The following VSTM4 variants were observed in gnomAD, a reference collection of about 807,000 sequenced individuals.
VSTM4 encodes the protein V-set and transmembrane domain containing 4.
VSTM4 carries 20 observed loss-of-function variants against 36.4 expected under a neutral mutation model. The observed-to-expected ratio is 0.55, with a 90% CI of 0.39 to 0.80. The LOEUF is 0.80. Among genes scored for constraint, VSTM4 ranks in the 30% least tolerant of loss-of-function variants. The pLI, the probability that VSTM4 is intolerant of heterozygous loss-of-function variation, is 0.00. For synonymous variants in VSTM4, 182 were observed against 173.9 expected (o/e 1.05, Z -0.37); for missense variants, 392 against 404.5 (o/e 0.97, Z 0.26).
intron 4 of VSTM4, among the ~76,000 whole-genome samples, chr10:49,066,642 A>G (rs911525554): frequency 1.3e-5 from 2 of 152,184 alleles, no homozygotes; most frequent in Admixed American, 1.3e-4. Context: ...AAGTAAAAAT[A>G]AAAATCAATT....
chr10:49,094,205 C>G (rs1209611382), intron 2 of VSTM4, among the ~76,000 whole-genome samples: 1 of 152,192 alleles, frequency 6.6e-6, no homozygotes, highest in African/African-American at 2.4e-5. Flanking sequence ...CCTGGAGCCT[C>G]AGAAGCAGTG....
chr10:49,049,092 C>A (rs1421396040), intron 5 of VSTM4, among the ~76,000 whole-genome samples: 1 of 152,172 alleles, frequency 6.6e-6, no homozygotes, highest in African/African-American at 2.4e-5. Flanking sequence ...TTCTGGGGAG[C>A]TGCACCTGGA....
At chr10:49,045,639 G>C (rs1158529075) in intron 7 of VSTM4, among the ~76,000 whole-genome samples, 8 of 152,178 alleles carry the variant, frequency 5.3e-5, no homozygotes, top group Non-Finnish European at 1.2e-4. Flanking sequence ...TCCTCACCTT[G>C]AATGTGAATT....
At chr10:49,082,216 A>G (rs1416617444) in intron 3 of VSTM4, among the ~76,000 whole-genome samples, 1 of 152,202 alleles carries the variant, frequency 6.6e-6, no homozygotes, top group Non-Finnish European at 1.5e-5. Flanking sequence ...TTACCTTTTT[A>G]TGTAAAAATC....
intron 4 of VSTM4, among the ~76,000 whole-genome samples, chr10:49,075,720 A>G (rs923978644): frequency 3.3e-5 from 5 of 152,182 alleles, no homozygotes; most frequent in Non-Finnish European, 5.9e-5. Flanking sequence ...CCTCTGCCCC[A>G]TTGCCGATTG....
Position 49,107,958 on chromosome 10 carries a change from C to A in VSTM4, c.93G>T (p.Gly31=), listed in dbSNP as rs748614859. The A allele has an allele frequency of 6.2e-7, 1 of 1,601,600 alleles. No individual in the cohort carries two copies. Among genetic ancestry groups the A allele is most frequent in the East Asian group, 2.2e-5 (1 of 44,482 alleles). The change falls in exon 2 of 8, where the codon GGG becomes GGT. Residue 31 remains glycine (G), a synonymous_variant. Transcript: ENST00000332853. ...CAALNVTVSP[G]PVVDYLEGEN... ...CCCCCTCCAGGTAGTCAACCACGGG[C>A]CCCGGGGACACAGTGACATTGAGGG... is the stretch of plus-strand genomic sequence containing the variant.
chr10:49,113,283 A>G lies in VSTM4; in HGVS notation c.55+2148T>C, dbSNP rs553968266. 6.6e-5 allele frequency among the ~76,000 whole-genome samples: 10 copies of G among 152,370 alleles called. No homozygotes were observed. The East Asian group carries it at 1.9e-3, about 29-fold the overall frequency. On this transcript the variant is annotated intron_variant, in intron 1 of 7. Transcript: ENST00000332853. ...TTAACAGTCTTTGGCACCAGGAGCCAGTATTTACTGAGCACTAAGCAGAGG... is the reference window on the plus strand; with the variant it reads ...TTAACAGTCTTTGGCACCAGGAGCCGGTATTTACTGAGCACTAAGCAGAGG...
chr10:49,021,728 C>T (rs575349470), intron 7 of VSTM4, among the ~76,000 whole-genome samples: 1 of 152,166 alleles, frequency 6.6e-6, no homozygotes, highest in South Asian at 2.1e-4. Context: ...CATAGAGGTC[C>T]TCTCCTATAC....
intron 2 of VSTM4, among the ~76,000 whole-genome samples, chr10:49,094,222 C>T (rs572394718): frequency 5.9e-5 from 9 of 152,278 alleles, no homozygotes; most frequent in East Asian, 3.9e-4. Context: ...AGTGGGGTTG[C>T]GCCAGCACAC....
At position 49,107,982 on chromosome 10, in the gene VSTM4, G is replaced by A. The variant is rs1277186724; in HGVS notation, c.69C>T (p.Ala23=). The change falls in exon 2 of 8, where the codon GCC becomes GCT. Residue 23 remains alanine, a synonymous_variant. Coordinates refer to ENST00000332853, the MANE Select transcript of VSTM4 (RefSeq NM_001031746.5). ...ARAPAPEVCA[A]LNVTVSPGPV... The stretch of plus-strand genomic sequence containing the variant: ...GCCCCGGGGACACAGTGACATTGAG[G>A]GCCGCACAGACCTCTGCAGAGAAAA... The A allele has an allele frequency of 6.3e-7, 1 of 1,581,640 alleles. No homozygotes were observed. The highest frequency in any genetic ancestry group is 8.6e-7 in the Non-Finnish European group (1 of 1,162,816).
Position 49,064,802 on chromosome 10 carries a change from T to G in VSTM4, c.635-66A>C, listed in dbSNP as rs1843943920. 3.3e-5 allele frequency: 51 copies of G among 1,550,260 alleles called. No individual in the cohort carries two copies. The South Asian group carries it at 5.6e-4, about 17-fold the overall frequency. ...ACTTCAGATATATATGCTCCAGGAA[T>G]TACAAGGAAATGCCGGGAGCCAGGT... On this transcript the variant is annotated intron_variant, in intron 4 of 7. Coordinates refer to ENST00000332853, the MANE Select transcript of VSTM4 (RefSeq NM_001031746.5).
intron 5 of VSTM4, among the ~76,000 whole-genome samples, chr10:49,054,246 G>C (rs1234532949): frequency 6.6e-6 from 1 of 152,226 alleles, no homozygotes; most frequent in Non-Finnish European, 1.5e-5. Context: ...AATAGAGCCA[G>C]AGCCACAGTG....
intron 2 of VSTM4, among the ~76,000 whole-genome samples, chr10:49,093,612 A>G (rs1392091502): frequency 6.6e-6 from 1 of 151,978 alleles, no homozygotes; most frequent in Non-Finnish European, 1.5e-5. Context: ...TCCTCTCTCT[A>G]TGGAATGTGT....
chr10:49,035,269 C>A (rs1049535306), intron 7 of VSTM4, among the ~76,000 whole-genome samples: 1 of 152,284 alleles, frequency 6.6e-6, no homozygotes, highest in Middle Eastern at 3.4e-3. Context: ...GGCACCTTGC[C>A]CCCTGCCTAT....
Position 49,019,682 on chromosome 10 carries a change from C to T in VSTM4, c.931G>A (p.Ala311Thr), listed in dbSNP as rs757632422. The change falls in exon 8 of 8, where the codon GCC becomes ACC. Residue 311 changes from alanine to threonine, a missense_variant. Physicochemically the swap from Ala to Thr is moderately conservative, Grantham distance 58 (BLOSUM62 0). Transcript: ENST00000332853. ...TTGTTCTCCTCGAAGAGGATCTGGG[C>T]GTAGACAGTGCTGGTGGGGGCGCCT... is the stretch of plus-strand genomic sequence containing the variant. Reference protein sequence around the residue: ...AKGAPTSTVYAQILFEENKL With the variant: ...AKGAPTSTVYTQILFEENKL 17 of 1,613,884 alleles carry T rather than the reference C, an allele frequency of 1.1e-5. No individual in the cohort carries two copies. Among genetic ancestry groups the T allele is most frequent in the East Asian group, 6.7e-5 (3 of 44,872 alleles).
chr10:49,053,910 G>T (rs75611687), intron 5 of VSTM4, among the ~76,000 whole-genome samples: 8 of 152,188 alleles, frequency 5.3e-5, no homozygotes, highest in Non-Finnish European at 1.2e-4. Flanking sequence ...AGAACACCAG[G>T]CAAAGCAGCC....
chr10:49,034,674 T>C (rs1163797580), intron 7 of VSTM4, among the ~76,000 whole-genome samples: 1 of 152,242 alleles, frequency 6.6e-6, no homozygotes, highest in African/African-American at 2.4e-5. Context: ...GGTGCCTAGC[T>C]TGATGTTACA....
chr10:49,042,229 A>G (rs1843532162), intron 7 of VSTM4, among the ~76,000 whole-genome samples: 1 of 152,228 alleles, frequency 6.6e-6, no homozygotes, highest in Non-Finnish European at 1.5e-5. Context: ...AGTTTCCAAA[A>G]GCCCACTGAC....
At chr10:49,099,216 G>A (rs1844624970) in intron 2 of VSTM4, among the ~76,000 whole-genome samples, 1 of 152,200 alleles carries the variant, frequency 6.6e-6, no homozygotes, top group African/African-American at 2.4e-5. Context: ...CAGCTGTTGA[G>A]ATGCAGTCTC....
Sources: allele counts gnomAD v4.1 joint callset (sites outside exome capture counted in the v4.1 genomes callset), GRCh38; gene constraint gnomAD v4.1.1; transcripts MANE v1.5; gene names NCBI Gene and HGNC (gene_info 2026-07-23, HGNC 2026-07-21).